The following NINL variants were observed in gnomAD, a reference collection of about 807,000 sequenced individuals.
The protein encoded by NINL is ninein like.
NINL carries 153 observed loss-of-function variants against 160.3 expected under a neutral mutation model. The observed-to-expected ratio is 0.95, with a 90% confidence interval of 0.84 to 1.09. The LOEUF (loss-of-function observed/expected upper bound fraction) is 1.09. Ranked by LOEUF, NINL falls within the 50% of genes least tolerant of loss-of-function variation. The pLI is 0.00. For synonymous variants in NINL, 800 were observed against 734.8 expected (o/e 1.09, Z -1.43); for missense variants, 1,829 against 1,764.0 (o/e 1.04, Z -0.66).
chr20:25,504,433 G>A (rs896833086), intron 6 of NINL, among the ~76,000 whole-genome samples: 4 of 152,194 alleles, frequency 2.6e-5, no homozygotes, highest in African/African-American at 9.7e-5. Flanking sequence ...TGCAGTGTGA[G>A]GCCCAGCAAG....
chr20:25,584,910 A>C (rs533183196), intron 1 of NINL, among the ~76,000 whole-genome samples: 21 of 152,372 alleles, frequency 1.4e-4, no homozygotes, highest in African/African-American at 4.8e-4. Context: ...TACAACAGAT[A>C]AAATTCGCAA....
At chr20:25,541,690 G>A (rs562574539) in intron 1 of NINL, among the ~76,000 whole-genome samples, 48 of 152,194 alleles carry the variant, frequency 3.2e-4, no homozygotes, top group South Asian at 8.3e-4. Flanking sequence ...ACAAAAATAG[G>A]AAACTTTATT....
rs146963714 is a variant in NINL at position 25,505,430 on chromosome 20, C to A, written c.518-352G>T. Among the ~76,000 whole-genome samples the A allele has an allele frequency of 3.8e-3, 579 of 152,204 alleles. 6 individuals are homozygous for A. Among genetic ancestry groups the A allele is most frequent in the Non-Finnish European group, 6.5e-3 (441 of 68,010 alleles). On this transcript the variant is annotated intron_variant, in intron 5 of 23. Transcript: ENST00000278886. ...ACAGTTAATAAGATCCGATTGCTTCCTTGAAGTTTGCTAAGAGAGTCTATC... is the reference window on the plus strand; with the variant it reads ...ACAGTTAATAAGATCCGATTGCTTCATTGAAGTTTGCTAAGAGAGTCTATC...
intron 2 of NINL, among the ~76,000 whole-genome samples, chr20:25,524,904 A>AATAT (rs35820142): frequency 0.018 from 2,632 of 145,374 alleles, 25 homozygotes; most frequent in Middle Eastern, 0.068. Flanking sequence ...CTCAAATTAA[A>AATAT]ATATATATAT....
intron 13 of NINL, among the ~76,000 whole-genome samples, chr20:25,485,171 C>T (rs940510187): frequency 7.9e-5 from 12 of 152,178 alleles, no homozygotes; most frequent in African/African-American, 2.9e-4. Flanking sequence ...GGTAGATGCA[C>T]TGAGGGAAGC....
intron 17 of NINL, 137 bp downstream of exon 17, chr20:25,475,892 ACTCAGGCTGAAGGG>A: frequency 1.3e-6 from 1 of 762,276 alleles, no homozygotes; most frequent in Admixed American, 2.9e-5. Context: ...CACAACCCCT[ACTCAGGCTGAAGGG>A]CTACACAGCC....
intron 1 of NINL, among the ~76,000 whole-genome samples, chr20:25,559,112 G>T (rs2034891520): frequency 6.6e-6 from 1 of 152,200 alleles, no homozygotes; most frequent in African/African-American, 2.4e-5. Context: ...GTGATGACCT[G>T]CACAGAGCCT....
intron 13 of NINL, among the ~76,000 whole-genome samples, chr20:25,482,592 A>T (rs1445947878): frequency 6.6e-6 from 1 of 151,944 alleles, no homozygotes; most frequent in East Asian, 2.0e-4. Context: ...CTCAAGTGAT[A>T]TACCCATCTC....
chr20:25,563,021 C>T (rs2064962144), intron 1 of NINL, among the ~76,000 whole-genome samples: 1 of 152,088 alleles, frequency 6.6e-6, no homozygotes, highest in Non-Finnish European at 1.5e-5. Flanking sequence ...AAAAAATTAG[C>T]TGGGCGTGGT....
Position 25,455,820 on chromosome 20 carries a change from T to C in NINL, c.3844-34A>G, listed in dbSNP as rs1414491767. 5 of 1,577,094 alleles carry C rather than the reference T, an allele frequency of 3.2e-6. No individual in the cohort carries two copies. In the African/African-American group the frequency reaches 6.7e-5, roughly 21 times the overall value. Reference sequence around the variant, plus strand: ...AAAGAAGGTTGCAGGTGGCCGGGCATGGTGGCTCACGCCTCTAATCCCAGC... The same window carrying C: ...AAAGAAGGTTGCAGGTGGCCGGGCACGGTGGCTCACGCCTCTAATCCCAGC... On this transcript the variant is annotated intron_variant, in intron 22 of 23. Coordinates refer to ENST00000278886, the MANE Select transcript of NINL (RefSeq NM_025176.6).
rs200233228 is a variant in NINL, at chr20:25,462,566, A to C, written c.3424-25T>G. On this transcript the variant is annotated intron_variant, in intron 19 of 23. Transcript: ENST00000278886. ...TCTGGGGGAAAAAGTTTTTAAATAC[A>C]TAAGAAAAAAATGTTTTTAATTTTC... The C allele has an allele frequency of 2.1e-4, 334 of 1,578,920 alleles. 1 individual carries two copies. In the African/African-American group the frequency reaches 4.1e-3, roughly 19 times the overall value.
At chr20:25,506,387 C>T (rs1303215508) in intron 5 of NINL, among the ~76,000 whole-genome samples, 1 of 152,216 alleles carries the variant, frequency 6.6e-6, no homozygotes, top group East Asian at 1.9e-4. Flanking sequence ...GCCCACAGCA[C>T]CTGCTGCTCA....
intron 17 of NINL, among the ~76,000 whole-genome samples, chr20:25,473,717 C>CAT (rs1555846595): frequency 1.5e-5 from 2 of 136,236 alleles, no homozygotes; most frequent in Admixed American, 7.2e-5. Flanking sequence ...CACACACACA[C>CAT]ATCAGCTGGG....
intron 20 of NINL, 77 bp downstream of exon 20, chr20:25,462,306 C>T: frequency 7.0e-7 from 1 of 1,427,362 alleles, no homozygotes; most frequent in Non-Finnish European, 9.6e-7. Flanking sequence ...CAGCGCGTGT[C>T]CTGACCTATT....
chr20:25,472,325 ATATAT>A (rs2063116792), intron 17 of NINL, among the ~76,000 whole-genome samples: 1 of 4,730 alleles, frequency 2.1e-4, no homozygotes, highest in African/African-American at 1.3e-3. Flanking sequence ...GGAGGAGAGG[ATATAT>A]ATATATATAT....
intron 13 of NINL, among the ~76,000 whole-genome samples, chr20:25,486,329 T>C (rs2063503680): frequency 6.6e-6 from 1 of 152,136 alleles, no homozygotes; most frequent in East Asian, 1.9e-4. Context: ...TTTCAAAAAA[T>C]AAAATTGAAA....
At chr20:25,505,211 T>A in intron 5 of NINL, 133 bp from the exon 6 acceptor site, 1 of 816,426 alleles carries the variant, frequency 1.2e-6, no homozygotes, top group Non-Finnish European at 1.8e-6. Context: ...TAAGTGAAAT[T>A]AGCAGACACA....
At chr20:25,496,549 C>G (rs2063756646) in intron 10 of NINL, 114 bp downstream of exon 10, 2 of 1,290,256 alleles carry the variant, frequency 1.6e-6, no homozygotes, top group East Asian at 2.3e-5. Context: ...ATAGGGGGGT[C>G]TCCACTGAGC....
chr20:25,562,772 A>T lies in NINL; in HGVS notation c.-12+22683T>A, dbSNP rs568444741. On this transcript the variant is annotated intron_variant, in intron 1 of 23. Coordinates refer to ENST00000278886, the MANE Select transcript of NINL (RefSeq NM_025176.6). ...CGAGAAACACCCAAGAATGATCAAT[A>T]AAAAAAAAAAAACAAAAACAAAAAC... Among the ~76,000 whole-genome samples, 1,328 of 145,394 alleles carry T rather than the reference A, an allele frequency of 9.1e-3. 17 individuals carry two copies. The highest frequency in any genetic ancestry group is 0.031 in the African/African-American group (1,243 of 39,826).
Sources: allele counts gnomAD v4.1 joint callset (sites outside exome capture counted in the v4.1 genomes callset), GRCh38; gene constraint gnomAD v4.1.1; transcripts MANE v1.5; gene names NCBI Gene and HGNC (gene_info 2026-07-23, HGNC 2026-07-21).